The following CNIH3 variants were observed in gnomAD, a reference collection of about 807,000 sequenced individuals.
CNIH3 encodes protein cornichon homolog 3.
Under a neutral mutation model 24.1 loss-of-function variants are expected in CNIH3, and 14 were observed. The observed-to-expected ratio is 0.58, with a 90% CI of 0.38 to 0.91. CNIH3 has a LOEUF of 0.91. Among genes scored for constraint, CNIH3 ranks in the 40% least tolerant of loss-of-function variants. CNIH3 has a pLI of 0.00. For missense variants in CNIH3, 178 were observed against 196.8 expected, an observed-to-expected ratio of 0.90 and a Z score of 0.57; for synonymous variants, 68 against 73.8, an observed-to-expected ratio of 0.92 and a Z score of 0.40.
At chr1:224,561,137 C>G (rs1370607400) in intron 3 of CNIH3, among the ~76,000 whole-genome samples, 1 of 152,108 alleles carries the variant, frequency 6.6e-6, no homozygotes, top group African/African-American at 2.4e-5. Context: ...TTATGAGCCT[C>G]TTAGTTATAT....
At chr1:224,605,712 G>A (rs954634943) in intron 3 of CNIH3, among the ~76,000 whole-genome samples, 3 of 151,442 alleles carry the variant, frequency 2.0e-5, no homozygotes, top group Admixed American at 6.6e-5. Flanking sequence ...CCAGTCCTGC[G>A]GCCCCCACCC....
intron 3 of CNIH3, among the ~76,000 whole-genome samples, chr1:224,596,678 A>G (rs1183380055): frequency 1.3e-5 from 2 of 152,240 alleles, no homozygotes; most frequent in Non-Finnish European, 2.9e-5. Context: ...TTCCTGGCTC[A>G]TAACTCCCAG....
chr1:224,716,436 T>C (rs1281394285), intron 3 of CNIH3, among the ~76,000 whole-genome samples: 1 of 152,196 alleles, frequency 6.6e-6, no homozygotes, highest in Non-Finnish European at 1.5e-5. Context: ...ACCCAGTATA[T>C]AATAAATGCT....
intron 3 of CNIH3, among the ~76,000 whole-genome samples, chr1:224,691,767 C>G (rs1686944343): frequency 6.6e-6 from 1 of 152,216 alleles, no homozygotes; most frequent in Non-Finnish European, 1.5e-5. Flanking sequence ...ATCTTAGCTC[C>G]TGGTATCTCA....
At chr1:224,520,016 G>A (rs936241344) in intron 1 of CNIH3, among the ~76,000 whole-genome samples, 3 of 152,150 alleles carry the variant, frequency 2.0e-5, no homozygotes, top group Non-Finnish European at 4.4e-5. Flanking sequence ...AGTACCCAGA[G>A]GCCAAGGCTC....
At chr1:224,497,637 G>A (rs1253652953) in intron 1 of CNIH3, among the ~76,000 whole-genome samples, 1 of 152,178 alleles carries the variant, frequency 6.6e-6, no homozygotes, top group Non-Finnish European at 1.5e-5. Context: ...CATTTCTAAA[G>A]CAACTTTTTT....
At chr1:224,525,804 G>A (rs2124922532) in intron 2 of CNIH3, among the ~76,000 whole-genome samples, 1 of 152,222 alleles carries the variant, frequency 6.6e-6, no homozygotes, top group East Asian at 1.9e-4. Context: ...GAGGAGATGG[G>A]GGTATCAGAA....
chr1:224,569,087 C>T (rs1049754194), intron 4 of CNIH3, among the ~76,000 whole-genome samples: 12 of 152,154 alleles, frequency 7.9e-5, no homozygotes, highest in African/African-American at 2.7e-4. Context: ...AGGCTGGTCT[C>T]GAACTCCCAA....
At chr1:224,576,957 A>G (rs1336597095) in intron 4 of CNIH3, among the ~76,000 whole-genome samples, 1 of 152,202 alleles carries the variant, frequency 6.6e-6, no homozygotes, top group African/African-American at 2.4e-5. Flanking sequence ...ACAAAAACAT[A>G]AAGTGGGACA....
chr1:224,487,126 A>G (rs1677060979), intron 1 of CNIH3, among the ~76,000 whole-genome samples: 1 of 152,166 alleles, frequency 6.6e-6, no homozygotes, highest in African/African-American at 2.4e-5. Flanking sequence ...TCAGCAGCTC[A>G]TTTCAAGGGG....
In CNIH3 at chr1:224,704,753, A is replaced by C. The variant is rs567628123; in HGVS notation, c.198+19910A>C. On this transcript the variant is annotated intron_variant, in intron 3 of 5. Transcript: ENST00000272133. The surrounding 1 kb of genome is among the most constrained non-coding windows in gnomAD (Gnocchi z 4.2). ...ACCTAGTCATAGTCACATTTCCCCT[A>C]GTTTCCCTATAGTATTCTTTATAGT... Among the ~76,000 whole-genome samples, 2 of 152,160 alleles carry C rather than the reference A, an allele frequency of 1.3e-5. No individual in the cohort carries two copies. The highest frequency in any genetic ancestry group is 1.3e-4 in the Admixed American group (2 of 15,276).
chr1:224,531,100 C>T (rs1442920735), intron 2 of CNIH3, among the ~76,000 whole-genome samples: 1 of 152,170 alleles, frequency 6.6e-6, no homozygotes, highest in Non-Finnish European at 1.5e-5. Flanking sequence ...GATTTGGAGA[C>T]ATCAAGGAGA....
At chr1:224,723,531 C>T (rs909414497) in intron 3 of CNIH3, among the ~76,000 whole-genome samples, 19 of 152,238 alleles carry the variant, frequency 1.2e-4, no homozygotes, top group African/African-American at 4.3e-4. Flanking sequence ...GAAAGCCCCT[C>T]TGGGGCTGGA....
intron 3 of CNIH3, among the ~76,000 whole-genome samples, chr1:224,685,960 A>G (rs895858096): frequency 1.3e-4 from 20 of 152,030 alleles, no homozygotes; most frequent in Non-Finnish European, 2.1e-4. Context: ...TTTATAAATT[A>G]TTTTTCCAGA....
intron 3 of CNIH3, among the ~76,000 whole-genome samples, chr1:224,720,251 TC>T (rs1688640113): frequency 1.6e-5 from 2 of 123,602 alleles, no homozygotes; most frequent in African/African-American, 6.7e-5. Context: ...AGGATAGTCA[TC>T]TTTTTTTTTT....
chr1:224,441,868 T>A (rs978396393), intron 1 of CNIH3, among the ~76,000 whole-genome samples: 4 of 152,136 alleles, frequency 2.6e-5, no homozygotes, highest in Admixed American at 6.5e-5. Context: ...GCCTAAATTT[T>A]AAAAAATTTA....
intron 1 of CNIH3, among the ~76,000 whole-genome samples, chr1:224,446,265 A>G (rs1675163275): frequency 8.3e-6 from 1 of 121,130 alleles, no homozygotes; most frequent in Non-Finnish European, 1.7e-5. Flanking sequence ...GGCCCTTTGC[A>G]TTTCATATAA....
intron 3 of CNIH3, among the ~76,000 whole-genome samples, chr1:224,553,536 A>G (rs1680013085): frequency 6.6e-6 from 1 of 152,082 alleles, no homozygotes; most frequent in Non-Finnish European, 1.5e-5. Flanking sequence ...CTGGTTCACC[A>G]AATTTCATTC....
chr1:224,553,288 G>A (rs1680001822), intron 3 of CNIH3, among the ~76,000 whole-genome samples: 2 of 151,320 alleles, frequency 1.3e-5, no homozygotes, highest in African/African-American at 4.9e-5. Context: ...TAATATCACA[G>A]GGTGTACACC....
Sources: gnomAD v4.1 joint callset for allele counts (sites outside exome capture counted in the v4.1 genomes callset) on GRCh38, gnomAD v4.1.1 for gene constraint, Gnocchi (gnomAD v3.1) non-coding constraint, MANE v1.5 for transcripts, NCBI Gene and HGNC (gene_info 2026-07-23, HGNC 2026-07-21) for gene names.